The following PLXNA2 variants were observed in gnomAD, a reference collection of about 807,000 sequenced individuals.
The protein encoded by PLXNA2 is plexin A2.
A neutral mutation model predicts 193.5 loss-of-function variants in PLXNA2; 91 were observed. The observed-to-expected ratio is 0.47, with a 90% CI of 0.40 to 0.56. The LOEUF (loss-of-function observed/expected upper bound fraction) is 0.56, where lower values mean the gene tolerates loss of function less well. PLXNA2 is among the 20% of genes least tolerant of loss of function. The probability of loss-of-function intolerance (pLI) is 0.00; values close to 1 mark genes in which losing one functional copy is unlikely to be tolerated. For synonymous variants in PLXNA2, 997 were observed against 1,027.3 expected, an observed-to-expected ratio of 0.97 and a Z score of 0.56; for missense variants, 1,995 against 2,503.2, an observed-to-expected ratio of 0.80 and a Z score of 4.33.
chr1:208,200,594 T>C (rs1670517185), intron 3 of PLXNA2, among the ~76,000 whole-genome samples: 1 of 145,232 alleles, frequency 6.9e-6, no homozygotes, highest in Non-Finnish European at 1.5e-5. Flanking sequence ...TTTTTTTTTT[T>C]TTTTTTCTTT....
rs368211167 is a variant in PLXNA2, at chr1:208,231,205, GTGGGAA to G, written c.-81+12432_-81+12437del. On this transcript the variant is annotated intron_variant, in intron 1 of 31. Coordinates refer to ENST00000367033, the MANE Select transcript of PLXNA2 (RefSeq NM_025179.4). ...GAAGAATGTGCTGATGGGGAGCAGG[GTGGGAA>G]TGGCAGGCCGGGGAGGGAGGACCTA... is the stretch of plus-strand genomic sequence containing the variant. 3.0e-4 allele frequency among the ~76,000 whole-genome samples: 45 copies of G among 152,242 alleles called. 1 individual carries two copies. In the East Asian group the frequency reaches 6.8e-3, roughly 23 times the overall value.
intron 11 of PLXNA2, among the ~76,000 whole-genome samples, chr1:208,081,836 A>G (rs1351031853): frequency 6.6e-6 from 1 of 152,172 alleles, no homozygotes; most frequent in East Asian, 1.9e-4. Flanking sequence ...GGTCGGGCCT[A>G]ACTGGCACAT....
chr1:208,212,798 C>T (rs768506221), intron 2 of PLXNA2, among the ~76,000 whole-genome samples: 2 of 152,200 alleles, frequency 1.3e-5, no homozygotes, highest in Non-Finnish European at 2.9e-5. Flanking sequence ...TTCTCTTCCT[C>T]ATCTCATCCC....
chr1:208,045,819 A>G, intron 18 of PLXNA2, 59 bp downstream of exon 18: 1 of 1,599,412 alleles, frequency 6.3e-7, no homozygotes, highest in Non-Finnish European at 8.5e-7. Context: ...GCCAGGAGCG[A>G]GGGGCGCCCT....
intron 6 of PLXNA2, among the ~76,000 whole-genome samples, chr1:208,098,032 A>G (rs1181868793): frequency 1.3e-5 from 2 of 151,982 alleles, no homozygotes; most frequent in Admixed American, 6.6e-5. Flanking sequence ...CTTCCTATCA[A>G]TACCCAGTGG....
intron 9 of PLXNA2, among the ~76,000 whole-genome samples, chr1:208,084,804 C>T (rs533887292): frequency 6.6e-6 from 1 of 152,348 alleles, no homozygotes; most frequent in South Asian, 2.1e-4. Flanking sequence ...GTGTGTGTTA[C>T]AATTCAGGAA....
At chr1:208,204,243 A>AAT (rs1670643532) in intron 3 of PLXNA2, among the ~76,000 whole-genome samples, 1 of 152,196 alleles carries the variant, frequency 6.6e-6, no homozygotes, top group Non-Finnish European at 1.5e-5. Context: ...AGAGTCATAC[A>AAT]GAGACTGGTG....
intron 3 of PLXNA2, among the ~76,000 whole-genome samples, chr1:208,176,603 A>G (rs1406021692): frequency 2.0e-5 from 3 of 152,260 alleles, no homozygotes. Context: ...CCAGGGAAAG[A>G]GGGTGATTTT....
At chr1:208,086,462 A>G (rs1666522042) in intron 9 of PLXNA2, among the ~76,000 whole-genome samples, 1 of 152,164 alleles carries the variant, frequency 6.6e-6, no homozygotes, top group Admixed American at 6.5e-5. Flanking sequence ...CTAAAGTGGC[A>G]TGTCCACATT....
At chr1:208,037,036 T>G (rs531910610) in intron 26 of PLXNA2, among the ~76,000 whole-genome samples, 2 of 152,252 alleles carry the variant, frequency 1.3e-5, no homozygotes, top group South Asian at 4.1e-4. Flanking sequence ...GAAATGGTGG[T>G]GTTTGGGCAT....
At chr1:208,127,433 C>T (rs929314944) in intron 4 of PLXNA2, among the ~76,000 whole-genome samples, 1 of 152,316 alleles carries the variant, frequency 6.6e-6, no homozygotes. Flanking sequence ...TGTGGCATGT[C>T]TTCTTGTCAG....
In PLXNA2 at chr1:208,039,004, G is replaced by A. The variant is rs1664768386; in HGVS notation, c.4501-20C>T. 6.2e-7 allele frequency: 1 copy of A among 1,610,900 alleles called. No individual in the cohort carries two copies. The highest frequency in any genetic ancestry group is 1.3e-5 in the African/African-American group (1 of 74,876). Reference sequence around the variant, plus strand: ...CAGGATCTACAAGTAGGGGACAGAGGGTGAGCAGGACAGGAGTTGAAGGAG... The same window carrying A: ...CAGGATCTACAAGTAGGGGACAGAGAGTGAGCAGGACAGGAGTTGAAGGAG... On this transcript the variant is annotated intron_variant, in intron 24 of 31. Transcript: ENST00000367033.
intron 5 of PLXNA2, among the ~76,000 whole-genome samples, chr1:208,099,569 TTTTG>T (rs1308852737): frequency 6.6e-6 from 1 of 152,008 alleles, no homozygotes; most frequent in East Asian, 1.9e-4. Context: ...ACTCTGTTAT[TTTTG>T]TTTGTTTGTT....
chr1:208,197,124 C>T (rs1670386205), intron 3 of PLXNA2, among the ~76,000 whole-genome samples: 1 of 152,152 alleles, frequency 6.6e-6, no homozygotes, highest in African/African-American at 2.4e-5. Context: ...AGGACTTGAA[C>T]TCAAACCATT....
At chr1:208,206,559 C>T (rs1005896578) in intron 3 of PLXNA2, among the ~76,000 whole-genome samples, 4 of 152,104 alleles carry the variant, frequency 2.6e-5, no homozygotes, top group African/African-American at 7.2e-5. Flanking sequence ...CCCTTCTCTC[C>T]CCCAACTCAT....
rs745815770 is a variant in PLXNA2, at chr1:208,051,243, C to A, written c.3161+13G>T. 1 of 1,601,788 alleles carries A rather than the reference C, an allele frequency of 6.2e-7. No homozygotes were observed. The highest frequency in any genetic ancestry group is 8.5e-7 in the Non-Finnish European group (1 of 1,172,152). On this transcript the variant is annotated intron_variant, in intron 16 of 31. Coordinates refer to ENST00000367033, the MANE Select transcript of PLXNA2 (RefSeq NM_025179.4). ...GTGGCTTCCAGGTGCATCCCTCCCA[C>A]CTTCCACCTCACCTGGCAATGCTCC...
intron 3 of PLXNA2, among the ~76,000 whole-genome samples, chr1:208,159,678 C>T (rs1247715900): frequency 6.6e-6 from 1 of 152,240 alleles, no homozygotes; most frequent in Non-Finnish European, 1.5e-5. Flanking sequence ...CTGACATGGA[C>T]TGGAGCTGGC....
chr1:208,145,919 C>T (rs761302536), intron 3 of PLXNA2, among the ~76,000 whole-genome samples: 4 of 152,062 alleles, frequency 2.6e-5, no homozygotes, highest in Admixed American at 1.3e-4. Flanking sequence ...GTCTAAATCC[C>T]GGAGAGAAAT....
At position 208,098,973 on chromosome 1, in the gene PLXNA2, C is replaced by A. The variant is rs776235650; in HGVS notation, c.1608-4G>T. ...GCATTTGTCCCTGCGGGAGCACCTG[C>A]CATAAACACAGATTCACAAGAGGTC... On this transcript the variant is annotated splice_polypyrimidine_tract_variant and splice_region_variant and intron_variant, in intron 5 of 31. Coordinates refer to ENST00000367033, the MANE Select transcript of PLXNA2 (RefSeq NM_025179.4). The A allele has an allele frequency of 7.4e-6, 12 of 1,612,544 alleles. No homozygotes were observed. The East Asian group carries it at 2.0e-4, about 27-fold the overall frequency.
Sources: gnomAD v4.1 joint callset for allele counts (sites outside exome capture counted in the v4.1 genomes callset) on GRCh38, gnomAD v4.1.1 for gene constraint, MANE v1.5 for transcripts, NCBI Gene and HGNC (gene_info 2026-07-23, HGNC 2026-07-21) for gene names.